LVRN: variants seen among roughly 807,000 people sequenced by gnomAD.
LVRN encodes the protein laeverin, also known as aminopeptidase Q.
LVRN carries 99 observed loss-of-function variants against 111.4 expected under a neutral mutation model. That is an observed-to-expected ratio of 0.89 (90% CI 0.76 to 1.05). The LOEUF is 1.05. Among genes scored for constraint, LVRN ranks in the 50% least tolerant of loss-of-function variants. The pLI, the probability that LVRN is intolerant of heterozygous loss-of-function variation, is 0.00. For synonymous variants in LVRN, 488 were observed against 449.5 expected (o/e 1.09, Z -1.08); for missense variants, 1,414 against 1,206.8 (o/e 1.17, Z -2.54).
chr5:115,994,876 T>A (rs891882564), intron 6 of LVRN, among the ~76,000 whole-genome samples: 8 of 152,214 alleles, frequency 5.3e-5, no homozygotes, highest in African/African-American at 1.2e-4. Flanking sequence ...AAACCTTACT[T>A]CTGTTATAAA....
At chr5:115,982,355 AT>A (rs1753577983) in intron 1 of LVRN, among the ~76,000 whole-genome samples, 1 of 152,152 alleles carries the variant, frequency 6.6e-6, no homozygotes, top group African/African-American at 2.4e-5. Flanking sequence ...TTCACCTCTT[AT>A]TTATCCAAGA....
At chr5:115,964,584 C>T (rs6594915) in intron 1 of LVRN, among the ~76,000 whole-genome samples, 66,166 of 147,938 alleles carry the variant, frequency 0.45, 15,197 homozygotes, top group African/African-American at 0.59. Flanking sequence ...AGAAACACTT[C>T]ACCTACATAT....
chr5:115,996,725 C>T (rs1316040952), intron 6 of LVRN, among the ~76,000 whole-genome samples: 2 of 152,162 alleles, frequency 1.3e-5, no homozygotes, highest in Non-Finnish European at 2.9e-5. Flanking sequence ...GACATTGCCA[C>T]TCACTGACTT....
At position 116,001,053 on chromosome 5, in the gene LVRN, A is replaced by T. The variant is rs769908295; in HGVS notation, c.1648-14A>T. On this transcript the variant is annotated splice_polypyrimidine_tract_variant and intron_variant, in intron 9 of 19. Coordinates refer to ENST00000357872, the MANE Select transcript of LVRN (RefSeq NM_173800.5). ...GATAACCTTACCTGCCTTTGTGGTG[A>T]TTTTTTAAAACAGGCCATAGATGAC... The T allele has an allele frequency of 1.3e-6, 2 of 1,574,818 alleles. No individual in the cohort carries two copies. Among genetic ancestry groups the T allele is most frequent in the Admixed American group, 4.2e-5 (2 of 47,362 alleles).
At position 116,001,107 on chromosome 5, in the gene LVRN, T is replaced by TA. The variant is rs1748228239; in HGVS notation, c.1694dup (p.Asn565LysfsTer32). ...AGTACAGTTATTTTGCCAGCAACAA[T>TA]AAAAAACATAATGGACAGTTGGACA... On this transcript the variant is annotated frameshift_variant, in exon 10 of 20. Coordinates refer to ENST00000357872, the MANE Select transcript of LVRN (RefSeq NM_173800.5). LOFTEE classifies it high-confidence loss of function. 6.2e-7 allele frequency: 1 copy of TA among 1,611,412 alleles called. No homozygotes were observed. The highest frequency in any genetic ancestry group is 8.5e-7 in the Non-Finnish European group (1 of 1,179,346).
intron 6 of LVRN, 59 bp from the exon 7 acceptor site, chr5:115,999,703 G>A (rs1375301182): frequency 6.4e-7 from 1 of 1,559,722 alleles, no homozygotes; most frequent in Non-Finnish European, 8.7e-7. Context: ...TAGGGCCATA[G>A]AATTTTGGTC....
chr5:115,981,731 C>G (rs945640852), intron 1 of LVRN, among the ~76,000 whole-genome samples: 3 of 152,110 alleles, frequency 2.0e-5, no homozygotes, highest in African/African-American at 7.2e-5. Flanking sequence ...CTCCCCCAAC[C>G]CTGGGACTTT....
chr5:115,978,978 C>T (rs557754539), intron 1 of LVRN, among the ~76,000 whole-genome samples: 1 of 152,240 alleles, frequency 6.6e-6, no homozygotes, highest in African/African-American at 2.4e-5. Context: ...TTCCTTGACT[C>T]AGCAACTTCT....
At chr5:115,971,019 G>T (rs557044301) in intron 1 of LVRN, among the ~76,000 whole-genome samples, 1 of 152,310 alleles carries the variant, frequency 6.6e-6, no homozygotes, top group South Asian at 2.1e-4. Flanking sequence ...CTTACCAGCA[G>T]TTGGTATTGC....
Position 115,978,964 on chromosome 5 carries a change from C to T in LVRN, c.696-4323C>T, listed in dbSNP as rs116037073. ...TCAGTGTTTTTCCTCTTTTTTTCTACAATTTCCTTGACTCAGCAACTTCTA... is the reference window on the plus strand; with the variant it reads ...TCAGTGTTTTTCCTCTTTTTTTCTATAATTTCCTTGACTCAGCAACTTCTA... On this transcript the variant is annotated intron_variant, in intron 1 of 19. Transcript: ENST00000357872. 3.7e-3 allele frequency among the ~76,000 whole-genome samples: 568 copies of T among 152,134 alleles called. 5 individuals carry two copies. Among genetic ancestry groups the T allele is most frequent in the African/African-American group, 0.013 (543 of 41,510 alleles).
intron 1 of LVRN, chr5:115,975,181 T>G (rs1753414846): frequency 4.2e-6 from 2 of 474,536 alleles, no homozygotes; most frequent in Non-Finnish European, 8.3e-6. Flanking sequence ...GGTCATAATA[T>G]TCTGCCTGTC....
rs200468385 is a variant in LVRN at position 116,015,713 on chromosome 5, C to T, written c.2704C>T (p.Arg902Trp). Residue 902 changes from arginine (R) to tryptophan (W), a missense_variant, in exon 18 of 20, where the codon CGG becomes TGG. Physicochemically the swap from Arg to Trp is moderately radical, Grantham distance 101. Transcript: ENST00000357872. ...GGTTGTGGCTTCATCTGAAGTTGGCCGGTATGTCGCAAAAGACTTCTTAGT... is the reference window on the plus strand; with the variant it reads ...GGTTGTGGCTTCATCTGAAGTTGGCTGGTATGTCGCAAAAGACTTCTTAGT... ...IEVVASSEVG[R>W]YVAKDFLVNN... The T allele has an allele frequency of 4.0e-5, 64 of 1,613,044 alleles. No individual in the cohort carries two copies. Among genetic ancestry groups the T allele is most frequent in the African/African-American group, 5.3e-5 (4 of 74,858 alleles).
rs878974207 is a variant in LVRN at position 115,962,594 on chromosome 5, T to A, written c.-24T>A. On this transcript the variant is annotated 5_prime_UTR_variant, in exon 1 of 20. Transcript: ENST00000357872. ...CTGCCACAGTCTCTGAGCTCCAGCC[T>A]CGCGCCTGAACCCGGTCCCTGCCAT... 1.3e-6 allele frequency: 2 copies of A among 1,579,810 alleles called. No individual in the cohort carries two copies. The highest frequency in any genetic ancestry group is 8.6e-7 in the Non-Finnish European group (1 of 1,165,770).
intron 12 of LVRN, among the ~76,000 whole-genome samples, chr5:116,004,156 A>G (rs1223857891): frequency 6.6e-6 from 1 of 152,240 alleles, no homozygotes; most frequent in South Asian, 2.1e-4. Flanking sequence ...TTCTAAAAAC[A>G]TATTTCCACT....
At chr5:115,986,303 G>A (rs1255632823) in intron 3 of LVRN, among the ~76,000 whole-genome samples, 2 of 152,202 alleles carry the variant, frequency 1.3e-5, no homozygotes. Context: ...TTTGAGCTTG[G>A]TAAGGAGGAA....
At chr5:115,967,261 C>G (rs1171975296) in intron 1 of LVRN, among the ~76,000 whole-genome samples, 1 of 152,182 alleles carries the variant, frequency 6.6e-6, no homozygotes, top group African/African-American at 2.4e-5. Flanking sequence ...TCTATGTTGT[C>G]TTCCGAAAGT....
intron 19 of LVRN, chr5:116,023,626 A>G (rs1748802664): frequency 6.6e-6 from 1 of 152,322 alleles, no homozygotes; most frequent in Non-Finnish European, 1.5e-5. Context: ...TTCTGGAAGG[A>G]AAAAGGGCTG....
chr5:115,985,623 A>T (rs1461958012), intron 3 of LVRN, among the ~76,000 whole-genome samples: 1 of 151,612 alleles, frequency 6.6e-6, no homozygotes, highest in African/African-American at 2.4e-5. Context: ...AAATAAAGTC[A>T]CTCTTGTCCC....
intron 14 of LVRN, among the ~76,000 whole-genome samples, chr5:116,012,140 A>T (rs971542617): frequency 3.9e-5 from 6 of 152,200 alleles, no homozygotes; most frequent in Admixed American, 1.3e-4. Context: ...TTTAATCCTC[A>T]TAATACACTG....
Sources: allele counts gnomAD v4.1 joint callset (sites outside exome capture counted in the v4.1 genomes callset), GRCh38; gene constraint gnomAD v4.1.1; transcripts MANE v1.5; gene names NCBI Gene and HGNC (gene_info 2026-07-23, HGNC 2026-07-21).